The following CCDC144A variants were observed in gnomAD, a reference collection of about 807,000 sequenced individuals.
CCDC144A encodes coiled-coil domain-containing protein 144A.
In CCDC144A, 41 loss-of-function variants were observed where a neutral mutation model predicts 143.8. The ratio of observed to expected loss-of-function variants is 0.29; its 90% CI spans 0.22 to 0.37. The LOEUF is 0.37. CCDC144A is among the 10% of genes least tolerant of loss of function. The pLI, the probability that CCDC144A is intolerant of heterozygous loss-of-function variation, is 1.00. For missense variants in CCDC144A, 637 were observed against 1,488.8 expected (o/e 0.43, Z 9.41); for synonymous variants, 242 against 517.9 (o/e 0.47, Z 7.23).
chr17:16,730,369 A>G (rs1306597906), intron 9 of CCDC144A, among the ~76,000 whole-genome samples: 3 of 100,880 alleles, frequency 3.0e-5, no homozygotes, highest in Non-Finnish European at 5.5e-5. Flanking sequence ...TACAAGTACC[A>G]TGCTGTTTTG....
At chr17:16,706,557 T>C (rs1357846484) in intron 3 of CCDC144A, 1 of 142,900 alleles carries the variant, frequency 7.0e-6, no homozygotes, top group Non-Finnish European at 1.5e-5. Flanking sequence ...TGTCATGCTC[T>C]CACTCTTTCC....
At chr17:16,674,312 G>T in the CCDC144A span, among the ~76,000 whole-genome samples, 9 of 152,126 alleles carry the variant, frequency 5.9e-5, no homozygotes, top group Admixed American at 1.3e-4. Context: ...TACTTGAGAG[G>T]CTGAGAGGGG....
chr17:16,672,662 T>C, the CCDC144A span, among the ~76,000 whole-genome samples: 2 of 152,138 alleles, frequency 1.3e-5, no homozygotes, highest in South Asian at 2.1e-4. Context: ...TTTATCATTG[T>C]AGTAAAAATA....
chr17:16,775,588 A>G lies in CCDC144A; in HGVS notation c.*1955A>G, dbSNP rs1915976516. On this transcript the variant is annotated 3_prime_UTR_variant, in exon 17 of 17. Transcript: ENST00000399273. Reference sequence around the variant, plus strand: ...TTGTAAATTTGTTTAAGTTCCTTGTAGATGCTGGATATTAGACCTTTGTCA... The same window carrying G: ...TTGTAAATTTGTTTAAGTTCCTTGTGGATGCTGGATATTAGACCTTTGTCA... 1 of 152,160 alleles carries G rather than the reference A, an allele frequency of 6.6e-6. No homozygotes were observed. The highest frequency in any genetic ancestry group is 2.4e-5 in the African/African-American group (1 of 41,412). The allele number at this position is 152,160 out of a possible 1,614,324, so 9.4% of individuals were successfully genotyped here. A position where few individuals can be genotyped will look rare whatever the true frequency, so the allele number is the denominator to read the frequency against.
At chr17:16,669,553 C>G in the CCDC144A span, among the ~76,000 whole-genome samples, 1 of 152,220 alleles carries the variant, frequency 6.6e-6, no homozygotes, top group Non-Finnish European at 1.5e-5. Context: ...TTTTCTGATG[C>G]TGGAAATGTT....
chr17:16,768,083 C>T (rs1915683268), intron 15 of CCDC144A, among the ~76,000 whole-genome samples: 2 of 152,254 alleles, frequency 1.3e-5, no homozygotes, highest in Non-Finnish European at 2.9e-5. Context: ...AGTGTGCATT[C>T]GTCTATAGAC....
chr17:16,756,732 T>A (rs1237583781), intron 12 of CCDC144A, among the ~76,000 whole-genome samples: 3 of 151,772 alleles, frequency 2.0e-5, no homozygotes, highest in Non-Finnish European at 4.4e-5. Context: ...TGTTGATAAC[T>A]GTGCAGCTGG....
At chr17:16,692,230 GA>G (rs1372955895) in intron 1 of CCDC144A, among the ~76,000 whole-genome samples, 2 of 150,544 alleles carry the variant, frequency 1.3e-5, no homozygotes, top group East Asian at 3.9e-4. Context: ...TTCAGAGTTT[GA>G]GTCTGTATGG....
chr17:16,686,233 C>T (rs1354988424), upstream of CCDC144A, among the ~76,000 whole-genome samples: 1 of 151,534 alleles, frequency 6.6e-6, no homozygotes, highest in African/African-American at 2.4e-5. Flanking sequence ...TATGTGCAAA[C>T]CATCTAGAAC....
intron 2 of CCDC144A, among the ~76,000 whole-genome samples, chr17:16,699,499 C>G (rs1911605391): frequency 2.1e-5 from 1 of 47,546 alleles, no homozygotes; most frequent in African/African-American, 9.4e-5. Context: ...CCTCAGCCTC[C>G]TGAGTAGCTG....
At chr17:16,670,952 A>G in the CCDC144A span, among the ~76,000 whole-genome samples, 1 of 152,152 alleles carries the variant, frequency 6.6e-6, no homozygotes, top group Non-Finnish European at 1.5e-5. Context: ...CTGAAATTTT[A>G]AAAGAAGTAT....
chr17:16,725,362 A>G (rs1011566133), intron 8 of CCDC144A, among the ~76,000 whole-genome samples: 9 of 152,004 alleles, frequency 5.9e-5, no homozygotes, highest in African/African-American at 2.2e-4. Flanking sequence ...TTAGTCCAGT[A>G]ATTTTTATGA....
At chr17:16,773,382 A>G in intron 16 of CCDC144A, 115 bp from the exon 17 acceptor site, 2 of 1,384,210 alleles carry the variant, frequency 1.4e-6, no homozygotes, top group South Asian at 1.6e-5. Flanking sequence ...TGGGAGGACA[A>G]GACTGCAGTG....
chr17:16,768,876 A>G (rs892446296), intron 15 of CCDC144A, among the ~76,000 whole-genome samples: 1 of 151,740 alleles, frequency 6.6e-6, no homozygotes, highest in Non-Finnish European at 1.5e-5. Context: ...GTCAAGGAAG[A>G]AGAAACTATT....
intron 15 of CCDC144A, among the ~76,000 whole-genome samples, chr17:16,769,948 C>T (rs1043740479): frequency 6.6e-6 from 1 of 151,600 alleles, no homozygotes; most frequent in Non-Finnish European, 1.5e-5. Flanking sequence ...CTGCCTCAGC[C>T]TCCTGAGTAG....
At chr17:16,674,369 C>T in the CCDC144A span, among the ~76,000 whole-genome samples, 13 of 151,924 alleles carry the variant, frequency 8.6e-5, no homozygotes, top group South Asian at 8.3e-4. Flanking sequence ...GGTAAAGTGT[C>T]GAGGCTAACA....
At chr17:16,725,249 T>C (rs1435913860) in intron 8 of CCDC144A, among the ~76,000 whole-genome samples, 6 of 151,926 alleles carry the variant, frequency 3.9e-5, no homozygotes, top group Non-Finnish European at 5.9e-5. Flanking sequence ...GTTCCATTTA[T>C]AATGTGCTTA....
At chr17:16,729,991 T>TATATATATATATATATACAC (rs1491438660) in intron 9 of CCDC144A, among the ~76,000 whole-genome samples, 24 of 114,864 alleles carry the variant, frequency 2.1e-4, no homozygotes, top group African/African-American at 7.6e-4. Flanking sequence ...TATATATATA[T>TATATATATATATATATACAC]ACACACATAC....
rs577983126 is a variant in CCDC144A, at chr17:16,690,425, C to T, written c.25C>T (p.Arg9Trp). 1.0e-5 allele frequency: 16 copies of T among 1,584,198 alleles called. No individual in the cohort carries two copies. In the Admixed American group the frequency reaches 1.8e-4, roughly 18 times the overall value. Reference protein sequence around the residue: MASWGGEKRGGAEGSPKPA... With the variant: MASWGGEKWGGAEGSPKPA... ...GATGGCCTCCTGGGGTGGAGAAAAGCGGGGAGGGGCTGAGGGGTCTCCGAA... is the reference window on the plus strand; with the variant it reads ...GATGGCCTCCTGGGGTGGAGAAAAGTGGGGAGGGGCTGAGGGGTCTCCGAA... Residue 9 changes from arginine to tryptophan, a missense_variant, in exon 1 of 17, where the codon CGG (arginine) becomes TGG (tryptophan). Transcript: ENST00000399273.
Sources: allele counts gnomAD v4.1 joint callset (sites outside exome capture counted in the v4.1 genomes callset), GRCh38; gene constraint gnomAD v4.1.1; transcripts MANE v1.5; gene names NCBI Gene and HGNC (gene_info 2026-07-23, HGNC 2026-07-21).